The following TG variants were observed in gnomAD, a reference collection of about 807,000 sequenced individuals.
TG encodes thyroglobulin.
A neutral mutation model predicts 324.7 loss-of-function variants in TG; 270 were observed. The observed-to-expected ratio is 0.83, with a 90% CI of 0.75 to 0.92. TG has a LOEUF of 0.92. Ranked by LOEUF, TG falls within the 40% of genes least tolerant of loss-of-function variation. The probability of loss-of-function intolerance (pLI) is 0.00; values close to 1 mark genes in which losing one functional copy is unlikely to be tolerated. For synonymous variants in TG, 1,401 were observed against 1,327.0 expected, an observed-to-expected ratio of 1.06 and a Z score of -1.21; for missense variants, 3,591 against 3,456.4, an observed-to-expected ratio of 1.04 and a Z score of -0.98.
chr8:132,991,785 G>T (rs1469176065), intron 35 of TG, among the ~76,000 whole-genome samples: 1 of 152,034 alleles, frequency 6.6e-6, no homozygotes, highest in Non-Finnish European at 1.5e-5. Flanking sequence ...GTGCTGCTTG[G>T]GTGACTATAA....
chr8:133,115,768 T>G (rs78517375), intron 44 of TG, among the ~76,000 whole-genome samples: 3,568 of 152,354 alleles, frequency 0.023, 149 homozygotes, highest in African/African-American at 0.08. Flanking sequence ...TGTCTGACTC[T>G]TGGCCTGGCT....
chr8:133,081,402 TG>T (rs571145988), intron 41 of TG, among the ~76,000 whole-genome samples: 1 of 152,316 alleles, frequency 6.6e-6, no homozygotes, highest in East Asian at 1.9e-4. Context: ...GAAAACCATC[TG>T]GGGGGAGAGC....
intron 25 of TG, among the ~76,000 whole-genome samples, chr8:132,939,314 T>C (rs1479850626): frequency 6.6e-6 from 1 of 152,212 alleles, no homozygotes; most frequent in Non-Finnish European, 1.5e-5. Context: ...AGGCTATAAT[T>C]ACGGCATCAA....
chr8:133,021,957 A>C (rs377046841), intron 39 of TG, 34 bp from the exon 40 acceptor site: 21 of 1,613,688 alleles, frequency 1.3e-5, no homozygotes, highest in Non-Finnish European at 1.7e-5. Flanking sequence ...TGCCCTCCCC[A>C]CACTTTAGCC....
rs767338157 is a variant in TG at position 133,095,163 on chromosome 8, C to T, written c.7359C>T (p.Cys2453=). 1.9e-6 allele frequency: 3 copies of T among 1,614,216 alleles called. No individual in the cohort carries two copies. The highest frequency in any genetic ancestry group is 2.5e-6 in the Non-Finnish European group (3 of 1,180,028). ...CATCCAGCCAAGAAGTGGTGTCCTG[C>T]CTCCGCCAGAAGCCTGCCAATGTCC... The part of the protein sequence containing the change: ...PMSSSQEVVS[C]LRQKPANVLN... Residue 2453 remains cysteine, a synonymous_variant, in exon 42 of 48, where the codon TGC becomes TGT. Transcript: ENST00000220616.
At chr8:132,991,048 T>C (rs1204106467) in intron 35 of TG, among the ~76,000 whole-genome samples, 1 of 78,776 alleles carries the variant, frequency 1.3e-5, no homozygotes, top group African/African-American at 5.2e-5. Context: ...CAGATGGCCC[T>C]TTAGGGATGC....
At chr8:133,061,652 C>T (rs1433241161) in intron 41 of TG, among the ~76,000 whole-genome samples, 1 of 152,200 alleles carries the variant, frequency 6.6e-6, no homozygotes, top group Non-Finnish European at 1.5e-5. Context: ...AACAGGGTCC[C>T]CCCATCGGCC....
chr8:133,002,868 A>G (rs1401981076), intron 35 of TG: 3 of 289,716 alleles, frequency 1.0e-5, no homozygotes, highest in Non-Finnish European at 5.5e-6. Context: ...TGCCAGCAGT[A>G]CACTGGGGAA....
Position 132,873,069 on chromosome 8 carries a change from G to T in TG, c.486G>T (p.Arg162Ser). 1 of 1,614,162 alleles carries T rather than the reference G, an allele frequency of 6.2e-7. No homozygotes were observed. The highest frequency in any genetic ancestry group is 1.3e-5 in the African/African-American group (1 of 75,028). The change falls in exon 5 of 48, where the codon AGG becomes AGT. Residue 162 changes from arginine (R) to serine (S), a missense_variant. Physicochemically the swap from Arg to Ser is moderately radical, Grantham distance 110 (BLOSUM62 -1). Transcript: ENST00000220616. ...RQLGRPKRCPRSCEIRNRRLL... is the reference protein window; with the variant it reads ...RQLGRPKRCPSSCEIRNRRLL... Reference sequence around the variant, plus strand: ...TTTCGTGAAAATGTTTAGGTCCAAGGAGCTGTGAAATAAGAAATCGTCGTC... The same window carrying T: ...TTTCGTGAAAATGTTTAGGTCCAAGTAGCTGTGAAATAAGAAATCGTCGTC...
chr8:132,871,014 T>C (rs1839435988), intron 3 of TG, among the ~76,000 whole-genome samples: 1 of 152,038 alleles, frequency 6.6e-6, no homozygotes, highest in Non-Finnish European at 1.5e-5. Context: ...TGAAGCAGCT[T>C]CCCCAGGATC....
chr8:132,919,591 C>T, intron 21 of TG, 66 bp downstream of exon 21: 2 of 1,597,380 alleles, frequency 1.3e-6, no homozygotes, highest in Non-Finnish European at 1.7e-6. Context: ...AACAGGGTTT[C>T]CCAATCTCTG....
intron 1 of TG, among the ~76,000 whole-genome samples, chr8:132,867,490 C>T (rs1478709731): frequency 6.6e-6 from 1 of 151,040 alleles, no homozygotes; most frequent in Non-Finnish European, 1.5e-5. Flanking sequence ...CAGCCACTTA[C>T]CCATATGACT....
At chr8:132,995,604 AGAG>A in intron 35 of TG, 3 of 821,572 alleles carry the variant, frequency 3.7e-6, no homozygotes, top group Non-Finnish European at 4.4e-6. Context: ...ACCCCATGAA[AGAG>A]GAGTTCAGAT....
intron 13 of TG, 21 bp downstream of exon 13, chr8:132,898,267 T>C: frequency 1.3e-6 from 2 of 1,572,596 alleles, no homozygotes; most frequent in Non-Finnish European, 1.7e-6. Flanking sequence ...ACTGCAGAGT[T>C]CTCCTCCTGA....
chr8:133,023,548 G>T (rs534810263), intron 40 of TG, among the ~76,000 whole-genome samples: 2 of 152,308 alleles, frequency 1.3e-5, no homozygotes, highest in African/African-American at 2.4e-5. Context: ...TTATTCACGT[G>T]TGAGTTTATT....
At chr8:132,946,940 G>A (rs948238170) in intron 26 of TG, among the ~76,000 whole-genome samples, 4 of 152,182 alleles carry the variant, frequency 2.6e-5, no homozygotes, top group African/African-American at 9.6e-5. Flanking sequence ...AAGGAAAAAC[G>A]CACTCTGCCT....
intron 23 of TG, among the ~76,000 whole-genome samples, chr8:132,932,033 G>A (rs1308860274): frequency 6.6e-6 from 1 of 152,188 alleles, no homozygotes; most frequent in Middle Eastern, 3.2e-3. Context: ...GGCAGAGGTT[G>A]CAGTGAGCCA....
intron 43 of TG, among the ~76,000 whole-genome samples, chr8:133,109,600 C>T (rs774147463): frequency 6.6e-6 from 1 of 152,172 alleles, no homozygotes; most frequent in African/African-American, 2.4e-5. Context: ...TGTTCCCCAC[C>T]TGTGTGACTT....
intron 23 of TG, among the ~76,000 whole-genome samples, chr8:132,932,965 A>G (rs1408268174): frequency 6.6e-6 from 1 of 152,226 alleles, no homozygotes; most frequent in Non-Finnish European, 1.5e-5. Context: ...CAAGTTCTGA[A>G]GTCTGACTAC....
Sources: gnomAD v4.1 joint callset for allele counts (sites outside exome capture counted in the v4.1 genomes callset) on GRCh38, gnomAD v4.1.1 for gene constraint, MANE v1.5 for transcripts, NCBI Gene and HGNC (gene_info 2026-07-23, HGNC 2026-07-21) for gene names.